The following DPH3 variants were observed in gnomAD, a reference collection of about 807,000 sequenced individuals.
DPH3 encodes the protein diphthamide biosynthesis protein 3.
Under a neutral mutation model 10.2 loss-of-function variants are expected in DPH3, and 8 were observed. The observed-to-expected ratio is 0.79, with a 90% confidence interval of 0.46 to 1.42. DPH3 has a LOEUF of 1.42. Among genes scored for constraint, DPH3 ranks in the 40% most tolerant of loss-of-function variants. The pLI is 0.00. For missense variants in DPH3, 96 were observed against 98.9 expected, an observed-to-expected ratio of 0.97 and a Z score of 0.12; for synonymous variants, 35 against 35.6, an observed-to-expected ratio of 0.98 and a Z score of 0.06.
rs140792127 is a variant in DPH3 at position 16,259,035 on chromosome 3, T to C, written c.*1729A>G. ...CCCACATCAAGGGTGTCTGTTCGTG[T>C]TTGAAACTCATCAGCATCAGAAAGA... On this transcript the variant is annotated 3_prime_UTR_variant, in exon 3 of 3. Transcript: ENST00000488423. The C allele has an allele frequency of 2.6e-5, 4 of 152,346 alleles. No individual in the cohort carries two copies. The East Asian group carries it at 7.7e-4, about 29-fold the overall frequency. 9.4% of individuals were successfully genotyped at this position (152,346 alleles called of 1,614,324 possible). A position where few individuals can be genotyped will look rare whatever the true frequency, so the allele number is the denominator to read the frequency against.
rs2064345614 is a variant in DPH3, at chr3:16,264,174, A to G, written c.164T>C (p.Ile55Thr). Residue 55 changes from isoleucine (I) to threonine (T), a missense_variant, in exon 2 of 3, where the codon ATA becomes ACA. Coordinates refer to ENST00000488423, the MANE Select transcript of DPH3 (RefSeq NM_206831.3). The part of the protein sequence containing the change: ...VATCPSCSLI[I>T]KVIYDKDQFV... Reference sequence around the variant, plus strand: ...CCTTACTTTGTCATAAATCACTTTTATAATGAGAGAGCAGCTAGGACACGT... The same window carrying G: ...CCTTACTTTGTCATAAATCACTTTTGTAATGAGAGAGCAGCTAGGACACGT... 2 of 1,611,032 alleles carry G rather than the reference A, an allele frequency of 1.2e-6. No individual in the cohort carries two copies. Among genetic ancestry groups the G allele is most frequent in the African/African-American group, 1.3e-5 (1 of 74,824 alleles).
In DPH3 at chr3:16,263,985, T is replaced by A. The variant is rs1306049877; in HGVS notation, c.183+170A>T. ...TACGTAATCTGAACTTTAAACGTTT[T>A]AATTTACTATTCGGCTGTTTATCAA... On this transcript the variant is annotated intron_variant, in intron 2 of 2. Transcript: ENST00000488423. This position sits in a 1 kb window ranked among gnomAD's most constrained non-coding sequence, Gnocchi z 4.0. Among the ~76,000 whole-genome samples, 1 of 152,230 alleles carries A rather than the reference T, an allele frequency of 6.6e-6. No homozygotes were observed. Among genetic ancestry groups the A allele is most frequent in the African/African-American group, 2.4e-5 (1 of 41,456 alleles).
rs538387520 is a variant in DPH3 at position 16,263,164 on chromosome 3, C to G, written c.183+991G>C. Among the ~76,000 whole-genome samples, 101 of 131,188 alleles carry G rather than the reference C, an allele frequency of 7.7e-4. No individual in the cohort carries two copies. Among genetic ancestry groups the G allele is most frequent in the African/African-American group, 2.9e-3 (96 of 33,526 alleles). The allele number at this position is 131,188 out of a possible 152,430, so 86.1% of individuals were successfully genotyped here. A position where few individuals can be genotyped will look rare whatever the true frequency, so the allele number is the denominator to read the frequency against. On this transcript the variant is annotated intron_variant, in intron 2 of 2. Coordinates refer to ENST00000488423, the MANE Select transcript of DPH3 (RefSeq NM_206831.3). The surrounding 1 kb of genome is among the most constrained non-coding windows in gnomAD (Gnocchi z 4.0). ...CCTTAAAGTGATCCACAACTTCTTA[C>G]GCTACTCTCATCCTGCTCTGCTCTG...
chr3:16,264,353 AC>A, intron 1 of DPH3, 124 bp from the exon 2 acceptor site: 1 of 630,404 alleles, frequency 1.6e-6, no homozygotes, highest in Non-Finnish European at 2.6e-6. Context: ...GTGGGTGAGA[AC>A]CCCAGGGCCT....
chr3:16,258,496 T>C lies in DPH3; in HGVS notation c.*2268A>G, dbSNP rs2064269077. 1 of 152,256 alleles carries C rather than the reference T, an allele frequency of 6.6e-6. No homozygotes were observed. The highest frequency in any genetic ancestry group is 2.4e-5 in the African/African-American group (1 of 41,476). 9.4% of individuals were successfully genotyped at this position (152,256 alleles called of 1,614,324 possible). A position where few individuals can be genotyped will look rare whatever the true frequency, so the allele number is the denominator to read the frequency against. On this transcript the variant is annotated 3_prime_UTR_variant, in exon 3 of 3. Transcript: ENST00000488423. ...GTCCAGTTTTACTCTGCTTTCTCTT[T>C]ATTTTTTAGGCATGAGGTCTTGCCC...
In DPH3 at chr3:16,263,364, G is replaced by A. The variant is rs531188057; in HGVS notation, c.183+791C>T. Among the ~76,000 whole-genome samples the A allele has an allele frequency of 6.6e-6, 1 of 152,272 alleles. No homozygotes were observed. Among genetic ancestry groups the A allele is most frequent in the Non-Finnish European group, 1.5e-5 (1 of 68,034 alleles). On this transcript the variant is annotated intron_variant, in intron 2 of 2. Transcript: ENST00000488423. The surrounding 1 kb of genome is among the most constrained non-coding windows in gnomAD (Gnocchi z 4.0). ...ATTAAGGCCTTTCTCAGTAAGGCCT[G>A]CCATGATCACCCTATGGAAAACTGC...
chr3:16,258,495 T>G lies in DPH3; in HGVS notation c.*2269A>C, dbSNP rs911442799. On this transcript the variant is annotated 3_prime_UTR_variant, in exon 3 of 3. Transcript: ENST00000488423. ...AGTCCAGTTTTACTCTGCTTTCTCT[T>G]TATTTTTTAGGCATGAGGTCTTGCC... is the stretch of plus-strand genomic sequence containing the variant. 6.6e-6 allele frequency: 1 copy of G among 152,222 alleles called. No homozygotes were observed. The highest frequency in any genetic ancestry group is 1.5e-5 in the Non-Finnish European group (1 of 68,052). The allele number at this position is 152,222 out of a possible 1,614,324, so 9.4% of individuals were successfully genotyped here.
rs1444644402 is a variant in DPH3 at position 16,260,797 on chromosome 3, G to A, written c.216C>T (p.Ala72=). 6.2e-7 allele frequency: 1 copy of A among 1,613,830 alleles called. No individual in the cohort carries two copies. The highest frequency in any genetic ancestry group is 8.5e-7 in the Non-Finnish European group (1 of 1,179,838). ...TAACTAATTCTTTGTTGGCTGAAGGGGCTGGGACTGTTTCTCCACACACAA... is the reference window on the plus strand; with the variant it reads ...TAACTAATTCTTTGTTGGCTGAAGGAGCTGGGACTGTTTCTCCACACACAA... ...DQFVCGETVP[A]PSANKELVKC is the part of the protein sequence containing the mutation. Residue 72 remains alanine (A), a synonymous_variant, in exon 3 of 3, where the codon GCC becomes GCT. Coordinates refer to ENST00000488423, the MANE Select transcript of DPH3 (RefSeq NM_206831.3).
rs1415185386 is a variant in DPH3 at position 16,257,824 on chromosome 3, A to G, written c.*2940T>C. On this transcript the variant is annotated 3_prime_UTR_variant, in exon 3 of 3. Transcript: ENST00000488423. ...AATAGAAATCCAGAGCCCAAACTGT[A>G]GAAATTGGCAATTTCCTTATTTAAA... 6.6e-6 allele frequency among the ~76,000 whole-genome samples: 1 copy of G among 152,254 alleles called. No homozygotes were observed. The highest frequency in any genetic ancestry group is 1.5e-5 in the Non-Finnish European group (1 of 68,042).
chr3:16,262,761 C>T lies in DPH3; in HGVS notation c.183+1394G>A, dbSNP rs939020395. On this transcript the variant is annotated intron_variant, in intron 2 of 2. Coordinates refer to ENST00000488423, the MANE Select transcript of DPH3 (RefSeq NM_206831.3). This position sits in a 1 kb window ranked among gnomAD's most constrained non-coding sequence, Gnocchi z 4.7. The stretch of plus-strand genomic sequence containing the variant: ...TCTCACTTAGTATGTACAATTTCAA[C>T]CCCTATACCTATAGTTACATTCCCT... 2.6e-5 allele frequency among the ~76,000 whole-genome samples: 4 copies of T among 152,176 alleles called. No individual in the cohort carries two copies. Among genetic ancestry groups the T allele is most frequent in the African/African-American group, 9.7e-5 (4 of 41,424 alleles).
At position 16,257,308 on chromosome 3, in the gene DPH3, A is replaced by G. The variant is rs569705009; in HGVS notation, c.*3456T>C. Reference sequence around the variant, plus strand: ...TCTTAGAAAAAGTGCCAGAGCTCAGACTCCCTTAAAAAGTCACCTGACCCA... The same window carrying G: ...TCTTAGAAAAAGTGCCAGAGCTCAGGCTCCCTTAAAAAGTCACCTGACCCA... On this transcript the variant is annotated 3_prime_UTR_variant, in exon 3 of 3. Transcript: ENST00000488423. 6.6e-6 allele frequency among the ~76,000 whole-genome samples: 1 copy of G among 152,126 alleles called. No individual in the cohort carries two copies. The highest frequency in any genetic ancestry group is 2.1e-4 in the South Asian group (1 of 4,816).
At chr3:16,264,385 C>T in intron 1 of DPH3, 156 bp from the exon 2 acceptor site, 1 of 550,010 alleles carries the variant, frequency 1.8e-6, no homozygotes, top group Middle Eastern at 3.0e-4. Context: ...ATGCCGACAT[C>T]ATTTTCCCCT....
intron 2 of DPH3, 141 bp downstream of exon 2, chr3:16,264,014 T>C (rs748623594): frequency 6.3e-5 from 27 of 431,980 alleles, no homozygotes; most frequent in Non-Finnish European, 7.9e-5. Flanking sequence ...TTATCAATGG[T>C]GTTTAAAACC....
In DPH3 at chr3:16,264,720, C is replaced by T; in HGVS notation, c.108+49G>A. 5 of 1,582,240 alleles carry T rather than the reference C, an allele frequency of 3.2e-6. 1 individual carries two copies. In the African/African-American group the frequency reaches 5.4e-5, roughly 17 times the overall value. The stretch of plus-strand genomic sequence containing the variant: ...CCAATGATGGAAGGAACGGGCGGAA[C>T]CAAACTGCGCTTGCTTGGGTGAACC... On this transcript the variant is annotated intron_variant, in intron 1 of 2. Coordinates refer to ENST00000488423, the MANE Select transcript of DPH3 (RefSeq NM_206831.3).
chr3:16,264,878 G>A lies in DPH3; in HGVS notation c.-2C>T, dbSNP rs1050842595. 3 of 1,614,038 alleles carry A rather than the reference G, an allele frequency of 1.9e-6. No homozygotes were observed. The African/African-American group carries it at 4.0e-5, about 22-fold the overall frequency. ...CACCTCGTCATGAAACACTGCCATG[G>A]TCAGCGGGGGTGGCCGAAGGGGTAA... On this transcript the variant is annotated 5_prime_UTR_variant, in exon 1 of 3. Coordinates refer to ENST00000488423, the MANE Select transcript of DPH3 (RefSeq NM_206831.3).
At position 16,262,981 on chromosome 3, in the gene DPH3, A is replaced by G. The variant is rs1057173242; in HGVS notation, c.183+1174T>C. Among the ~76,000 whole-genome samples the G allele has an allele frequency of 6.6e-6, 1 of 152,088 alleles. No individual in the cohort carries two copies. ...TCTTTAATTAGTGTAATAGCCTCCT[A>G]TTACACTGGTTTTCCTGTTTCTATG... On this transcript the variant is annotated intron_variant, in intron 2 of 2. Coordinates refer to ENST00000488423, the MANE Select transcript of DPH3 (RefSeq NM_206831.3). This position sits in a 1 kb window ranked among gnomAD's most constrained non-coding sequence, Gnocchi z 4.7.
rs963642760 is a variant in DPH3 at position 16,259,510 on chromosome 3, A to G, written c.*1254T>C. On this transcript the variant is annotated 3_prime_UTR_variant, in exon 3 of 3. Coordinates refer to ENST00000488423, the MANE Select transcript of DPH3 (RefSeq NM_206831.3). ...CTGACGGACATCACTGCATTAATAA[A>G]TATTTTTTATTTATACACAGTAAAG... 11 of 152,210 alleles carry G rather than the reference A, an allele frequency of 7.2e-5. No individual in the cohort carries two copies. The highest frequency in any genetic ancestry group is 1.2e-4 in the Non-Finnish European group (8 of 68,034). The allele number at this position is 152,210 out of a possible 1,614,324, so 9.4% of individuals were successfully genotyped here. A position where few individuals can be genotyped will look rare whatever the true frequency, so the allele number is the denominator to read the frequency against.
Position 16,260,646 on chromosome 3 carries a change from C to T in DPH3, c.*118G>A, listed in dbSNP as rs573266783. 5 of 820,262 alleles carry T rather than the reference C, an allele frequency of 6.1e-6. No homozygotes were observed. The highest frequency in any genetic ancestry group is 2.4e-4 in the Middle Eastern group (1 of 4,116). 50.8% of individuals were successfully genotyped at this position (820,262 alleles called of 1,614,324 possible). On this transcript the variant is annotated 3_prime_UTR_variant, in exon 3 of 3. Coordinates refer to ENST00000488423, the MANE Select transcript of DPH3 (RefSeq NM_206831.3). Reference sequence around the variant, plus strand: ...ATCAGCAGTTGATAGAAAGAATCCACACTCTTACAGAACAGCAAATCATAA... The same window carrying T: ...ATCAGCAGTTGATAGAAAGAATCCATACTCTTACAGAACAGCAAATCATAA...
rs1272305134 is a variant in DPH3 at position 16,263,447 on chromosome 3, G to A, written c.183+708C>T. On this transcript the variant is annotated intron_variant, in intron 2 of 2. Transcript: ENST00000488423. The surrounding 1 kb of genome is among the most constrained non-coding windows in gnomAD (Gnocchi z 4.0). ...CTTACCGTTTGCTTTCTGTTGCAGA[G>A]CACATTTTAATACAAGAATGAATCA... is the stretch of plus-strand genomic sequence containing the variant. Among the ~76,000 whole-genome samples, 1 of 152,140 alleles carries A rather than the reference G, an allele frequency of 6.6e-6. No homozygotes were observed. Among genetic ancestry groups the A allele is most frequent in the Non-Finnish European group, 1.5e-5 (1 of 68,030 alleles).
Sources: allele counts gnomAD v4.1 joint callset (sites outside exome capture counted in the v4.1 genomes callset), GRCh38; gene constraint gnomAD v4.1.1; non-coding constraint Gnocchi (gnomAD v3.1); transcripts MANE v1.5; gene names NCBI Gene and HGNC (gene_info 2026-07-23, HGNC 2026-07-21).